Variants in FRYL observed in about 807,000 individuals in gnomAD.
FRYL encodes the protein FRY like transcription coactivator.
FRYL carries 150 observed loss-of-function variants against 351.2 expected under a neutral mutation model. The observed-to-expected ratio is 0.43, with a 90% CI of 0.37 to 0.49. FRYL has a LOEUF of 0.49. Among genes scored for constraint, FRYL ranks in the 20% least tolerant of loss-of-function variants. The pLI is 0.00. For synonymous variants in FRYL, 1,153 were observed against 1,257.1 expected (o/e 0.92, Z 1.75); for missense variants, 3,036 against 3,619.3 (o/e 0.84, Z 4.13).
At chr4:48,630,558 T>C (rs1472610109) in intron 4 of FRYL, among the ~76,000 whole-genome samples, 3 of 152,156 alleles carry the variant, frequency 2.0e-5, no homozygotes, top group Non-Finnish European at 4.4e-5. Flanking sequence ...TTACCGAGGA[T>C]TGATCCATCT....
chr4:48,675,890 T>C (rs759757628), intron 3 of FRYL, among the ~76,000 whole-genome samples: 6 of 152,078 alleles, frequency 3.9e-5, no homozygotes, highest in Non-Finnish European at 7.4e-5. Context: ...TAGCTCAAGG[T>C]TTGTAAATAC....
chr4:48,675,267 C>T (rs1219048945), intron 3 of FRYL, among the ~76,000 whole-genome samples: 1 of 152,218 alleles, frequency 6.6e-6, no homozygotes, highest in African/African-American at 2.4e-5. Flanking sequence ...CAGCCCACCA[C>T]TGCACTGTGG....
At chr4:48,727,020 A>G (rs1006923425) in intron 1 of FRYL, among the ~76,000 whole-genome samples, 1 of 152,236 alleles carries the variant, frequency 6.6e-6, no homozygotes, top group African/African-American at 2.4e-5. Context: ...AGAAAAACAT[A>G]CAACTATGAC....
intron 3 of FRYL, among the ~76,000 whole-genome samples, chr4:48,668,231 A>T (rs1435065035): frequency 5.3e-5 from 8 of 152,216 alleles, no homozygotes; most frequent in African/African-American, 1.9e-4. Context: ...GGCCCTTTAC[A>T]GAAAAGGTTT....
chr4:48,708,226 C>A lies in FRYL; in HGVS notation c.-204+2293G>T, dbSNP rs535807165. Among the ~76,000 whole-genome samples, 199 of 151,862 alleles carry A rather than the reference C, an allele frequency of 1.3e-3. 1 individual carries two copies. The highest frequency in any genetic ancestry group is 4.2e-3 in the African/African-American group (176 of 41,500). ...CCCAGGAGGCGGAGGTTGCAGTAAG[C>A]CGAGATTGAGCCACTGCACTCCAGC... On this transcript the variant is annotated intron_variant, in intron 2 of 63. Coordinates refer to ENST00000358350, the MANE Select transcript of FRYL (RefSeq NM_015030.2).
intron 1 of FRYL, among the ~76,000 whole-genome samples, chr4:48,739,450 C>T (rs989565076): frequency 6.8e-6 from 1 of 147,100 alleles, no homozygotes; most frequent in East Asian, 2.0e-4. Context: ...GGAGCAAAGG[C>T]AATACAAGGG....
intron 55 of FRYL, among the ~76,000 whole-genome samples, chr4:48,519,216 T>C (rs920234287): frequency 1.3e-5 from 2 of 152,226 alleles, no homozygotes; most frequent in African/African-American, 4.8e-5. Flanking sequence ...GGACTTCTCC[T>C]GTCTTGGATC....
At chr4:48,753,709 T>G (rs1253924942) in intron 1 of FRYL, among the ~76,000 whole-genome samples, 1 of 151,792 alleles carries the variant, frequency 6.6e-6, no homozygotes, top group Non-Finnish European at 1.5e-5. Flanking sequence ...AAGTTTTGCC[T>G]AACCCAAAGT....
Position 48,553,327 on chromosome 4 carries a change from C to G in FRYL, c.4323G>C (p.Glu1441Asp), listed in dbSNP as rs1357132952. 6.2e-7 allele frequency: 1 copy of G among 1,612,926 alleles called. No homozygotes were observed. Among genetic ancestry groups the G allele is most frequent in the South Asian group, 1.1e-5 (1 of 91,040 alleles). The change falls in exon 36 of 64, where the codon GAG (glutamate) becomes GAC (aspartate). Residue 1441 changes from glutamate (E) to aspartate (D), a missense_variant. Transcript: ENST00000358350. ...GRDKTMQLLE[E>D]LVSELQLTDP... ...CGGTCAGCTGAAGCTCACTCACCAG[C>G]TCTTCTAGCAACTGCATTGTTTTAT...
chr4:48,629,415 G>A (rs1311201229), intron 4 of FRYL, among the ~76,000 whole-genome samples: 1 of 152,060 alleles, frequency 6.6e-6, no homozygotes, highest in Non-Finnish European at 1.5e-5. Flanking sequence ...ACCAAACAAC[G>A]GTGACTCCTG....
chr4:48,570,988 C>T, intron 26 of FRYL, 70 bp from the exon 27 acceptor site: 3 of 1,243,772 alleles, frequency 2.4e-6, no homozygotes, highest in Non-Finnish European at 3.5e-6. Context: ...ATGTGACTGC[C>T]TCAGAGAGAG....
chr4:48,645,926 T>A (rs915847718), intron 3 of FRYL: 1 of 152,166 alleles, frequency 6.6e-6, no homozygotes, highest in African/African-American at 2.4e-5. Flanking sequence ...CCTTGCACTC[T>A]ACGTAAAAAC....
At chr4:48,722,254 TACACCATA>T (rs1309263963) in intron 1 of FRYL, among the ~76,000 whole-genome samples, 1 of 152,198 alleles carries the variant, frequency 6.6e-6, no homozygotes, top group Non-Finnish European at 1.5e-5. Flanking sequence ...ATAGTCTACT[TACACCATA>T]AATATATGCT....
At chr4:48,655,208 C>T (rs1057509827) in intron 3 of FRYL, among the ~76,000 whole-genome samples, 1 of 152,114 alleles carries the variant, frequency 6.6e-6, no homozygotes, top group Non-Finnish European at 1.5e-5. Flanking sequence ...TATTTTTTCT[C>T]AGAGCAGTCC....
intron 63 of FRYL, 77 bp downstream of exon 63, chr4:48,499,953 T>C (rs1719187463): frequency 7.5e-6 from 8 of 1,065,732 alleles, no homozygotes; most frequent in African/African-American, 4.8e-5. Flanking sequence ...AAACAGCAAA[T>C]TGAAAATGAA....
At position 48,515,269 on chromosome 4, in the gene FRYL, T is replaced by G. The variant is rs1396469481; in HGVS notation, c.7696A>C (p.Thr2566Pro). 6.2e-7 allele frequency: 1 copy of G among 1,601,890 alleles called. No homozygotes were observed. The highest frequency in any genetic ancestry group is 8.5e-7 in the Non-Finnish European group (1 of 1,172,130). Residue 2566 changes from threonine (T) to proline (P), a missense_variant, in exon 56 of 64, where the codon ACT becomes CCT. Coordinates refer to ENST00000358350, the MANE Select transcript of FRYL (RefSeq NM_015030.2). Reference sequence around the variant, plus strand: ...ACATGTTCCTCCTTTAATACTGAAGTTGTATCCTACAAAACAATCATAGTT... The same window carrying G: ...ACATGTTCCTCCTTTAATACTGAAGGTGTATCCTACAAAACAATCATAGTT... ...NANSRLPEDT[T>P]SVLKEEHVTT...
intron 1 of FRYL, among the ~76,000 whole-genome samples, chr4:48,714,345 A>G (rs1768483432): frequency 7.4e-6 from 1 of 135,858 alleles, no homozygotes. Context: ...CGGTTTTTTG[A>G]AAGGATCAAC....
At chr4:48,543,580 C>T (rs923194738) in intron 44 of FRYL, among the ~76,000 whole-genome samples, 4 of 151,878 alleles carry the variant, frequency 2.6e-5, no homozygotes, top group Non-Finnish European at 5.9e-5. Flanking sequence ...TGTGAGTGGG[C>T]GAGTGTAAAG....
chr4:48,637,838 C>A (rs1754543240), intron 3 of FRYL: 1 of 151,792 alleles, frequency 6.6e-6, no homozygotes, highest in Non-Finnish European at 1.5e-5. Context: ...TGATGAGACT[C>A]CTAAACCATT....
Sources: allele counts gnomAD v4.1 joint callset (sites outside exome capture counted in the v4.1 genomes callset), GRCh38; gene constraint gnomAD v4.1.1; transcripts MANE v1.5; gene names NCBI Gene and HGNC (gene_info 2026-07-23, HGNC 2026-07-21).